Variants in LRFN5 observed in about 807,000 individuals in gnomAD.
LRFN5 encodes the protein leucine rich repeat and fibronectin type III domain containing 5, also known as leucine-rich repeat and fibronectin type-III domain-containing protein 5.
A neutral mutation model predicts 45.6 loss-of-function variants in LRFN5; 24 were observed. The ratio of observed to expected loss-of-function variants is 0.53; its 90% CI spans 0.38 to 0.74. LRFN5 has a LOEUF of 0.74. Ranked by LOEUF, LRFN5 falls within the 30% of genes least tolerant of loss-of-function variation. The pLI is 0.00. For missense variants in LRFN5, 776 were observed against 861.5 expected, an observed-to-expected ratio of 0.90 and a Z score of 1.24; for synonymous variants, 340 against 313.8, an observed-to-expected ratio of 1.08 and a Z score of -0.88.
At chr14:41,688,849 A>T (rs1882236535) in intron 1 of LRFN5, among the ~76,000 whole-genome samples, 1 of 150,284 alleles carries the variant, frequency 6.7e-6, no homozygotes, top group Admixed American at 6.7e-5. Flanking sequence ...AGGCAGAAGG[A>T]TCTCTTGAGG....
rs536861522 is a variant in LRFN5, at chr14:41,862,861, C to CTTT, written c.-20-23726_-20-23724dup. Among the ~76,000 whole-genome samples the CTTT allele has an allele frequency of 1.5e-3, 165 of 110,214 alleles. 2 individuals carry two copies. Among genetic ancestry groups the CTTT allele is most frequent in the East Asian group, 8.3e-3 (30 of 3,636 alleles). 72.3% of individuals were successfully genotyped at this position (110,214 alleles called of 152,430 possible). A position where few individuals can be genotyped will look rare whatever the true frequency, so the allele number is the denominator to read the frequency against. ...TCATGAAGTGCTTATTTAAGTCTCTCTTTTTTTTTTTTTTTTTTTTTGATA... is the reference window on the plus strand; with the variant it reads ...TCATGAAGTGCTTATTTAAGTCTCTCTTTTTTTTTTTTTTTTTTTTTTTTGATA... On this transcript the variant is annotated intron_variant, in intron 2 of 5. Coordinates refer to ENST00000298119, the MANE Select transcript of LRFN5 (RefSeq NM_152447.5).
At chr14:41,771,037 G>T (rs1385643133) in intron 2 of LRFN5, among the ~76,000 whole-genome samples, 1 of 151,898 alleles carries the variant, frequency 6.6e-6, no homozygotes, top group Non-Finnish European at 1.5e-5. Flanking sequence ...AAGGCTTAAG[G>T]CTTGTGCCTT....
Position 41,891,204 on chromosome 14 carries a change from G to A in LRFN5, c.1386-46G>A, listed in dbSNP as rs763901610. On this transcript the variant is annotated intron_variant, in intron 3 of 5. Coordinates refer to ENST00000298119, the MANE Select transcript of LRFN5 (RefSeq NM_152447.5). ...AGTCATAATGACTTTCTGTGTATGT[G>A]TTTTGTTTTGTTATTAATATTAACA... The A allele has an allele frequency of 1.6e-5, 23 of 1,464,848 alleles. 1 individual carries two copies. The highest frequency in any genetic ancestry group is 1.9e-5 in the Non-Finnish European group (20 of 1,057,484). The allele number at this position is 1,464,848 out of a possible 1,614,324, so 90.7% of individuals were successfully genotyped here.
chr14:41,744,010 T>C (rs918350265), intron 1 of LRFN5, among the ~76,000 whole-genome samples: 2 of 152,028 alleles, frequency 1.3e-5, no homozygotes, highest in Non-Finnish European at 2.9e-5. Flanking sequence ...GATGTTAAAT[T>C]CAATCATTTG....
intron 1 of LRFN5, among the ~76,000 whole-genome samples, chr14:41,633,143 T>C (rs552327437): frequency 3.9e-4 from 59 of 151,846 alleles, no homozygotes; most frequent in Admixed American, 2.6e-3. Flanking sequence ...ACACAATACC[T>C]GTCACAAAAT....
intron 1 of LRFN5, among the ~76,000 whole-genome samples, chr14:41,703,995 A>G (rs17092262): frequency 0.2 from 31,086 of 151,912 alleles, 3,402 homozygotes; most frequent in Non-Finnish European, 0.26. Context: ...TAGCTCCATT[A>G]TTTACCCCAG....
chr14:41,636,182 T>C (rs1342869463), intron 1 of LRFN5, among the ~76,000 whole-genome samples: 1 of 152,100 alleles, frequency 6.6e-6, no homozygotes, highest in African/African-American at 2.4e-5. Flanking sequence ...GTAAGAGAAA[T>C]ATTTGAAGCA....
chr14:41,706,348 C>T (rs1448609544), intron 1 of LRFN5, among the ~76,000 whole-genome samples: 1 of 152,192 alleles, frequency 6.6e-6, no homozygotes, highest in Non-Finnish European at 1.5e-5. Context: ...GATCCTCCAA[C>T]CTCGGCCTCC....
intron 1 of LRFN5, among the ~76,000 whole-genome samples, chr14:41,674,781 G>T (rs1301216341): frequency 6.6e-6 from 1 of 151,542 alleles, no homozygotes; most frequent in Non-Finnish European, 1.5e-5. Flanking sequence ...TGGCTGCCGG[G>T]CGGAGAGGCT....
At chr14:41,818,171 T>A (rs1887985549) in intron 2 of LRFN5, among the ~76,000 whole-genome samples, 1 of 152,090 alleles carries the variant, frequency 6.6e-6, no homozygotes, top group Non-Finnish European at 1.5e-5. Flanking sequence ...AGCCTTTTCC[T>A]TTTTTATTCT....
Position 41,892,345 on chromosome 14 carries a change from T to C in LRFN5, c.2098+383T>C, listed in dbSNP as rs1890815423. 4.1e-6 allele frequency: 4 copies of C among 983,276 alleles called. No individual in the cohort carries two copies. In the Admixed American group the frequency reaches 1.9e-4, roughly 45 times the overall value. 60.9% of individuals were successfully genotyped at this position (983,276 alleles called of 1,614,324 possible). ...TATATGTATGTATGTATATGTATAC[T>C]GGAAGGAAACATAAATAAAATGGAT... On this transcript the variant is annotated intron_variant, in intron 4 of 5. Coordinates refer to ENST00000298119, the MANE Select transcript of LRFN5 (RefSeq NM_152447.5).
At chr14:41,837,708 C>T (rs1888711908) in intron 2 of LRFN5, among the ~76,000 whole-genome samples, 1 of 151,714 alleles carries the variant, frequency 6.6e-6, no homozygotes, top group African/African-American at 2.4e-5. Context: ...AAATGTATTT[C>T]CTGCATGTGC....
intron 2 of LRFN5, among the ~76,000 whole-genome samples, chr14:41,875,585 T>A (rs1890159780): frequency 1.3e-5 from 2 of 152,206 alleles, no homozygotes; most frequent in Non-Finnish European, 2.9e-5. Flanking sequence ...TCACTCTCTC[T>A]TGTATGAGGT....
chr14:41,794,223 G>C (rs914918757), intron 2 of LRFN5, among the ~76,000 whole-genome samples: 4 of 151,904 alleles, frequency 2.6e-5, no homozygotes, highest in Non-Finnish European at 5.9e-5. Context: ...ACCCCCATTT[G>C]ACTATTTCTG....
intron 1 of LRFN5, among the ~76,000 whole-genome samples, chr14:41,722,565 G>GA (rs1883766559): frequency 6.9e-6 from 1 of 145,782 alleles, no homozygotes; most frequent in South Asian, 2.1e-4. Context: ...AAAATACGGT[G>GA]TTTTTTTTTT....
At chr14:41,723,835 C>G (rs916823930) in intron 1 of LRFN5, among the ~76,000 whole-genome samples, 1 of 152,140 alleles carries the variant, frequency 6.6e-6, no homozygotes, top group Admixed American at 6.6e-5. Flanking sequence ...AACTAAAATG[C>G]CTGTGCCATC....
intron 2 of LRFN5, among the ~76,000 whole-genome samples, chr14:41,779,313 C>G (rs1317414364): frequency 1.3e-5 from 2 of 151,828 alleles, no homozygotes; most frequent in South Asian, 4.1e-4. Context: ...TTTAAATTAG[C>G]TTTGGATAAA....
chr14:41,867,908 T>C (rs1889894142), intron 2 of LRFN5, among the ~76,000 whole-genome samples: 1 of 152,098 alleles, frequency 6.6e-6, no homozygotes, highest in Non-Finnish European at 1.5e-5. Flanking sequence ...AGAACTTTTG[T>C]AGGGGAGAGA....
chr14:41,890,757 A>G (rs927785458), intron 3 of LRFN5, among the ~76,000 whole-genome samples: 3 of 152,180 alleles, frequency 2.0e-5, no homozygotes, highest in South Asian at 2.1e-4. Flanking sequence ...GTTATTAAGT[A>G]TATATTTACT....
Sources: gnomAD v4.1 joint callset for allele counts (sites outside exome capture counted in the v4.1 genomes callset) on GRCh38, gnomAD v4.1.1 for gene constraint, MANE v1.5 for transcripts, NCBI Gene and HGNC (gene_info 2026-07-23, HGNC 2026-07-21) for gene names.